The following ITPKC variants were observed in gnomAD, a reference collection of about 807,000 sequenced individuals.
ITPKC encodes IP3 3-kinase C.
A neutral mutation model predicts 67.1 loss-of-function variants in ITPKC; 33 were observed. That is an observed-to-expected ratio of 0.49 (90% CI 0.37 to 0.66). The LOEUF (loss-of-function observed/expected upper bound fraction) is 0.66, where lower values mean the gene tolerates loss of function less well. Ranked by LOEUF, ITPKC falls within the 30% of genes least tolerant of loss-of-function variation. The probability of loss-of-function intolerance (pLI) is 0.00; values close to 1 mark genes in which losing one functional copy is unlikely to be tolerated. For synonymous variants in ITPKC, 341 were observed against 359.8 expected (o/e 0.95, Z 0.59); for missense variants, 820 against 892.1 (o/e 0.92, Z 1.03).
chr19:40,724,076 G>T (rs1311565509), intron 1 of ITPKC, among the ~76,000 whole-genome samples: 1 of 152,132 alleles, frequency 6.6e-6, no homozygotes, highest in Admixed American at 6.5e-5. Flanking sequence ...GGCTCTTAAG[G>T]CTCCTACCCG....
Position 40,723,988 on chromosome 19 carries a change from G to A in ITPKC, c.1156-1352G>A, listed in dbSNP as rs527573607. On this transcript the variant is annotated intron_variant, in intron 1 of 6. Coordinates refer to ENST00000263370, the MANE Select transcript of ITPKC (RefSeq NM_025194.3). ...TCTGCTTCATGCTGTCTTCACTCAG[G>A]GTCCCAGGCTGAGGGAGCTTCCATT... 2.6e-5 allele frequency among the ~76,000 whole-genome samples: 4 copies of A among 152,264 alleles called. No individual in the cohort carries two copies. In the South Asian group the frequency reaches 8.3e-4, roughly 32 times the overall value.
rs763601962 is a variant in ITPKC, at chr19:40,729,294, C to T, written c.1348C>T (p.Arg450Ter). 3.1e-6 allele frequency: 5 copies of T among 1,614,056 alleles called. No homozygotes were observed. The highest frequency in any genetic ancestry group is 4.2e-6 in the Non-Finnish European group (5 of 1,180,024). Reference protein sequence around the residue: ...SLEQLMKDPLRPFVPAYYGMV... With the variant: ...SLEQLMKDPL ...GGAGCAGCTGATGAAAGACCCGCTG[C>T]GACCTTTCGTGCCTGCCTACTATGG... Residue 450 changes from arginine (R) to a stop codon, truncating the protein, a stop_gained, in exon 3 of 7, where the codon CGA becomes TGA. Transcript: ENST00000263370. LOFTEE classifies it high-confidence loss of function.
intron 3 of ITPKC, among the ~76,000 whole-genome samples, chr19:40,732,521 CAAAAAAAAAAAAAAAA>C (rs33945584): frequency 1.0e-4 from 8 of 77,588 alleles, no homozygotes; most frequent in Admixed American, 5.2e-4. Context: ...GGGCGGGCGT[CAAAAAAAAAAAAAAAA>C]AAAAAAAAAA....
chr19:40,740,325 A>G lies in ITPKC; in HGVS notation c.*765A>G, dbSNP rs1008965896. The G allele has an allele frequency of 2.6e-5, 4 of 154,186 alleles. No individual in the cohort carries two copies. The highest frequency in any genetic ancestry group is 5.8e-5 in the Non-Finnish European group (4 of 69,056). The allele number at this position is 154,186 out of a possible 1,614,324, so 9.6% of individuals were successfully genotyped here. On this transcript the variant is annotated 3_prime_UTR_variant, in exon 7 of 7. Transcript: ENST00000263370. ...TCCTCTGTGCACCAGATCCGGCCTC[A>G]GGACTTACACCTCCTGCCTGACCCC...
chr19:40,730,674 CCTT>C lies in ITPKC; in HGVS notation c.1469+1265_1469+1267del, dbSNP rs1191847226. Among the ~76,000 whole-genome samples, 4 of 152,256 alleles carry C rather than the reference CCTT, an allele frequency of 2.6e-5. No individual in the cohort carries two copies. In the South Asian group the frequency reaches 8.3e-4, roughly 32 times the overall value. ...TGAACCCCTGAGCTCAAGTGATCCTCCTTCTTCTGCCCCCTGAGTAGCTGGGAC... is the reference window on the plus strand; with the variant it reads ...TGAACCCCTGAGCTCAAGTGATCCTCCTTCTGCCCCCTGAGTAGCTGGGAC... On this transcript the variant is annotated intron_variant, in intron 3 of 6. Transcript: ENST00000263370.
intron 6 of ITPKC, 141 bp downstream of exon 6, chr19:40,737,910 G>T (rs2144757022): frequency 1.5e-6 from 1 of 670,254 alleles, no homozygotes; most frequent in East Asian, 2.9e-5. Context: ...CAGCACTTTG[G>T]GAGGCTGAGG....
At chr19:40,718,616 A>G (rs940107278) in intron 1 of ITPKC, among the ~76,000 whole-genome samples, 6 of 152,068 alleles carry the variant, frequency 3.9e-5, no homozygotes, top group African/African-American at 4.8e-5. Flanking sequence ...GTTCACATAC[A>G]TTGTTGCAGC....
At chr19:40,724,590 C>G (rs1338490617) in intron 1 of ITPKC, among the ~76,000 whole-genome samples, 2 of 152,082 alleles carry the variant, frequency 1.3e-5, no homozygotes, top group Non-Finnish European at 2.9e-5. Context: ...CATCCATCAA[C>G]TCCTGCCTCT....
At chr19:40,725,046 A>T (rs571471514) in intron 1 of ITPKC, among the ~76,000 whole-genome samples, 2 of 152,288 alleles carry the variant, frequency 1.3e-5, no homozygotes, top group South Asian at 4.1e-4. Context: ...GTCCTTACTC[A>T]TAAGATCCTT....
intron 4 of ITPKC, 117 bp downstream of exon 4, chr19:40,733,481 G>A: frequency 2.6e-5 from 25 of 950,056 alleles, no homozygotes; most frequent in Non-Finnish European, 3.7e-5. Flanking sequence ...GAAAGGCTGG[G>A]GCTGGGGAAG....
Position 40,717,609 on chromosome 19 carries a change from C to A in ITPKC, c.474C>A (p.Pro158=). The A allele has an allele frequency of 6.2e-7, 1 of 1,614,172 alleles. No individual in the cohort carries two copies. Residue 158 remains proline, a synonymous_variant, in exon 1 of 7, where the codon CCC becomes CCA. Transcript: ENST00000263370. Reference sequence around the variant, plus strand: ...ACAGGTCCGACCTCCAGTTTCAGCCCGAGGAGGCCAGCCCCTGGACACAGC... The same window carrying A: ...ACAGGTCCGACCTCCAGTTTCAGCCAGAGGAGGCCAGCCCCTGGACACAGC... ...DPHRSDLQFQ[P]EEASPWTQPG... is the part of the protein sequence containing the mutation.
Position 40,737,749 on chromosome 19 carries a change from C to G in ITPKC, c.1828C>G (p.Pro610Ala). The G allele has an allele frequency of 6.2e-7, 1 of 1,614,080 alleles. No individual in the cohort carries two copies. Among genetic ancestry groups the G allele is most frequent in the Non-Finnish European group, 8.5e-7 (1 of 1,180,004 alleles). Residue 610 changes from proline (P) to alanine (A), a missense_variant, in exon 6 of 7, where the codon CCC becomes GCC. Physicochemically the swap from Pro to Ala is conservative, Grantham distance 27. This residue lies in a region of ITPKC where 339 missense variants were observed against 422.0 expected (regional missense o/e 0.80). Transcript: ENST00000263370. ...ACTTCGTGAAGCTCTGGAGATCTCC[C>G]CCTTCTTCAAGACCCACGAGGTGCG... ...EELREALEIS[P>A]FFKTHEVVGS...
At position 40,740,762 on chromosome 19, in the gene ITPKC, GT is replaced by G; in HGVS notation, c.*1204del. ...TTGATACTTATTTATACGAGAGGCA[GT>G]TGCTGGACGGGGTAGTACTGGGAAG... On this transcript the variant is annotated 3_prime_UTR_variant, in exon 7 of 7. Transcript: ENST00000263370. 2.6e-6 allele frequency: 1 copy of G among 390,862 alleles called. No homozygotes were observed. The highest frequency in any genetic ancestry group is 4.5e-6 in the Non-Finnish European group (1 of 221,464). 24.2% of individuals were successfully genotyped at this position (390,862 alleles called of 1,614,324 possible).
Position 40,718,021 on chromosome 19 carries a change from G to A in ITPKC, c.886G>A (p.Gly296Arg). The A allele has an allele frequency of 6.2e-7, 1 of 1,614,172 alleles. No individual in the cohort carries two copies. Among genetic ancestry groups the A allele is most frequent in the Non-Finnish European group, 8.5e-7 (1 of 1,180,024 alleles). Residue 296 changes from glycine to arginine, a missense_variant, in exon 1 of 7, where the codon GGA becomes AGA. By Grantham distance (125) the Gly-to-Arg change is moderately radical. This residue lies in a region of ITPKC where 481 missense variants were observed against 470.1 expected (regional missense o/e 1.02). Transcript: ENST00000263370. Reference sequence around the variant, plus strand: ...AGCACCTGGGACAGACTGCCTCTTGGGAGAGCCTGAGGATGGCCCATTAGA... The same window carrying A: ...AGCACCTGGGACAGACTGCCTCTTGAGAGAGCCTGAGGATGGCCCATTAGA... ...QTAPGTDCLL[G>R]EPEDGPLEEP...
rs1313895474 is a variant in ITPKC, at chr19:40,717,293, C to T, written c.158C>T (p.Pro53Leu). 5.4e-6 allele frequency: 8 copies of T among 1,483,166 alleles called. No homozygotes were observed. Among genetic ancestry groups the T allele is most frequent in the Admixed American group, 2.5e-5 (1 of 39,340 alleles). 91.9% of individuals were successfully genotyped at this position (1,483,166 alleles called of 1,614,324 possible). The change falls in exon 1 of 7, where the codon CCG (proline) becomes CTG (leucine). Residue 53 changes from proline to leucine, a missense_variant. Pro to Leu is a moderately conservative substitution (Grantham distance 98, BLOSUM62 -3). Transcript: ENST00000263370. ...GPGAGAPAGR[P>L]EGGGPWARTE... is the part of the protein sequence containing the mutation. ...GGCGCAGGGGCCCCGGCGGGGCGGCCGGAGGGGGGCGGGCCCTGGGCCCGG... is the reference window on the plus strand; with the variant it reads ...GGCGCAGGGGCCCCGGCGGGGCGGCTGGAGGGGGGCGGGCCCTGGGCCCGG...
chr19:40,737,249 CA>C (rs1248612231), intron 5 of ITPKC, among the ~76,000 whole-genome samples, 162 bp downstream of exon 5: 1 of 152,200 alleles, frequency 6.6e-6, no homozygotes, highest in Non-Finnish European at 1.5e-5. Flanking sequence ...CTGGCTGGTC[CA>C]GGGGGCCCTG....
In ITPKC at chr19:40,740,098, G is replaced by C. The variant is rs2144761411; in HGVS notation, c.*538G>C. 6.4e-6 allele frequency: 1 copy of C among 156,554 alleles called. No homozygotes were observed. The highest frequency in any genetic ancestry group is 1.4e-5 in the Non-Finnish European group (1 of 70,880). The allele number at this position is 156,554 out of a possible 1,614,324, so 9.7% of individuals were successfully genotyped here. On this transcript the variant is annotated 3_prime_UTR_variant, in exon 7 of 7. Coordinates refer to ENST00000263370, the MANE Select transcript of ITPKC (RefSeq NM_025194.3). ...CCATGTCTTCACCAGGGAGCCATTT[G>C]AGTGCTGAGCGACAAGAGGCTCAGA...
chr19:40,726,175 A>G (rs1241620174), intron 2 of ITPKC, among the ~76,000 whole-genome samples: 14 of 152,012 alleles, frequency 9.2e-5, no homozygotes, highest in Non-Finnish European at 1.5e-4. Flanking sequence ...CGGGAGGTGA[A>G]GGTTGCAGTG....
At chr19:40,733,070 A>G (rs936488001) in intron 3 of ITPKC, 90 bp from the exon 4 acceptor site, 1 of 1,097,660 alleles carries the variant, frequency 9.1e-7, no homozygotes, top group Non-Finnish European at 1.4e-6. Context: ...TTCTTGTGCC[A>G]CACTGTGGCT....
Sources: allele counts gnomAD v4.1 joint callset (sites outside exome capture counted in the v4.1 genomes callset), GRCh38; gene constraint gnomAD v4.1.1; regional missense constraint gnomAD v4.1.1; transcripts MANE v1.5; gene names NCBI Gene and HGNC (gene_info 2026-07-23, HGNC 2026-07-21).